Variants in MPDZ observed in about 807,000 individuals in gnomAD.
MPDZ encodes multiple PDZ domain protein.
MPDZ carries 234 observed loss-of-function variants against 239.1 expected under a neutral mutation model. The observed-to-expected ratio is 0.98, with a 90% CI of 0.88 to 1.09. The LOEUF is 1.09. Ranked by LOEUF, MPDZ falls within the 50% of genes least tolerant of loss-of-function variation. The probability of loss-of-function intolerance (pLI) is 0.00; values close to 1 mark genes in which losing one functional copy is unlikely to be tolerated. For synonymous variants in MPDZ, 1,048 were observed against 881.3 expected (o/e 1.19, Z -3.35); for missense variants, 3,175 against 2,510.0 (o/e 1.26, Z -5.66).
intron 24 of MPDZ, among the ~76,000 whole-genome samples, chr9:13,156,456 T>C (rs1203218425): frequency 6.6e-6 from 1 of 152,162 alleles, no homozygotes; most frequent in Non-Finnish European, 1.5e-5. Context: ...GAGGAGCAAG[T>C]CACATCTTAT....
chr9:13,224,633 T>G, intron 3 of MPDZ, 50 bp from the exon 4 acceptor site: 1 of 1,263,054 alleles, frequency 7.9e-7, no homozygotes, highest in Non-Finnish European at 1.1e-6. Flanking sequence ...CATAAACTAT[T>G]TCATAGAAAA....
At chr9:13,142,319 G>A (rs1947826856) in intron 27 of MPDZ, among the ~76,000 whole-genome samples, 1 of 151,908 alleles carries the variant, frequency 6.6e-6, no homozygotes, top group South Asian at 2.1e-4. Context: ...AAATCAAAAT[G>A]GTGCCCTAAC....
intron 6 of MPDZ, among the ~76,000 whole-genome samples, 160 bp from the exon 7 acceptor site, chr9:13,221,660 T>C (rs888026929): frequency 6.6e-6 from 1 of 151,276 alleles, no homozygotes; most frequent in Non-Finnish European, 1.5e-5. Context: ...TATACTTCCC[T>C]TTCAACAGAA....
At position 13,158,077 on chromosome 9, in the gene MPDZ, T is replaced by G; in HGVS notation, c.3393A>C (p.Gly1131=). Residue 1131 remains glycine (G), a synonymous_variant, in exon 24 of 47, where the codon GGA becomes GGC. Coordinates refer to ENST00000319217, the MANE Select transcript of MPDZ (RefSeq NM_001378778.1). ...TTTGAAGTTCGCTTTCTTCACCCTCTCCCTCTTCTCGCTCTGGTAATTCTG... is the reference window on the plus strand; with the variant it reads ...TTTGAAGTTCGCTTTCTTCACCCTCGCCCTCTTCTCGCTCTGGTAATTCTG... ...DIPELPEREE[G]EGEESELQNT... The G allele has an allele frequency of 6.2e-7, 1 of 1,612,742 alleles. No individual in the cohort carries two copies. Among genetic ancestry groups the G allele is most frequent in the South Asian group, 1.1e-5 (1 of 91,036 alleles).
intron 23 of MPDZ, among the ~76,000 whole-genome samples, chr9:13,159,239 G>A (rs1950183863): frequency 6.6e-6 from 1 of 152,058 alleles, no homozygotes; most frequent in South Asian, 2.1e-4. Flanking sequence ...TTCTTTCTTG[G>A]ACCTGAATGT....
At chr9:13,277,331 T>C (rs1298563877) in intron 1 of MPDZ, among the ~76,000 whole-genome samples, 1 of 151,964 alleles carries the variant, frequency 6.6e-6, no homozygotes, top group Admixed American at 6.6e-5. Flanking sequence ...AAAAGGAACA[T>C]ATGTAAGAAA....
chr9:13,142,105 T>C (rs1455234121), intron 27 of MPDZ, among the ~76,000 whole-genome samples: 2 of 152,212 alleles, frequency 1.3e-5, no homozygotes, highest in Non-Finnish European at 2.9e-5. Context: ...CAAGCATTGA[T>C]TAAGTCCATT....
rs1349437925 is a variant in MPDZ at position 13,279,397 on chromosome 9, T to G, written c.-58+3A>C. ...TCTGGGCCGGGGCTCAAGCGCCGCT[T>G]ACCCGGCTCGCGGCGCCCGCCCAGG... On this transcript the variant is annotated splice_donor_region_variant and intron_variant, in intron 1 of 46. Coordinates refer to ENST00000319217, the MANE Select transcript of MPDZ (RefSeq NM_001378778.1). 6.9e-6 allele frequency: 1 copy of G among 144,434 alleles called. No individual in the cohort carries two copies. The highest frequency in any genetic ancestry group is 2.5e-5 in the African/African-American group (1 of 40,076). 8.9% of individuals were successfully genotyped at this position (144,434 alleles called of 1,614,324 possible).
At chr9:13,164,399 A>AATAAAG in intron 22 of MPDZ, among the ~76,000 whole-genome samples, 1 of 152,190 alleles carries the variant, frequency 6.6e-6, no homozygotes, top group African/African-American at 2.4e-5. Flanking sequence ...GAAAAAATAA[A>AATAAAG]ATAAAGATAA....
intron 10 of MPDZ, among the ~76,000 whole-genome samples, chr9:13,209,580 A>G (rs1350967391): frequency 6.6e-6 from 1 of 152,202 alleles, no homozygotes; most frequent in East Asian, 1.9e-4. Flanking sequence ...TGGAATGTGA[A>G]ATATCACGGT....
chr9:13,133,880 C>T lies in MPDZ; in HGVS notation c.4408G>A (p.Asp1470Asn). ...KETEPTVTTS[D>N]AAVDLSSFKN... ...AATGAACTGAGGTCCACAGCTGCAT[C>T]AGAAGTAGTAACAGTTGGCTCTGTC... The change falls in exon 32 of 47, where the codon GAT (aspartate) becomes AAT (asparagine). Residue 1470 changes from aspartate (D) to asparagine (N), a missense_variant. Transcript: ENST00000319217. 6.3e-7 allele frequency: 1 copy of T among 1,593,888 alleles called. No homozygotes were observed. Among genetic ancestry groups the T allele is most frequent in the Non-Finnish European group, 8.6e-7 (1 of 1,168,546 alleles).
rs1486488017 is a variant in MPDZ, at chr9:13,125,255, C to A, written c.4768G>T (p.Val1590Phe). 12 of 1,611,316 alleles carry A rather than the reference C, an allele frequency of 7.4e-6. No individual in the cohort carries two copies. The African/African-American group carries it at 1.3e-4, about 18-fold the overall frequency. Reference sequence around the variant, plus strand: ...GGTTCTGGGGAGCCAGACTGTGGGACCATCAGAGACTGGGAGCTGTTCTTT... The same window carrying A: ...GGTTCTGGGGAGCCAGACTGTGGGAACATCAGAGACTGGGAGCTGTTCTTT... The part of the protein sequence containing the change: ...EKKNSSQSLM[V>F]PQSGSPEPES... The change falls in exon 35 of 47, where the codon GTC (valine) becomes TTC (phenylalanine). Residue 1590 changes from valine to phenylalanine, a missense_variant. By Grantham distance (50) the Val-to-Phe change is conservative. Coordinates refer to ENST00000319217, the MANE Select transcript of MPDZ (RefSeq NM_001378778.1).
chr9:13,137,867 A>T lies in MPDZ; in HGVS notation c.4200+90T>A, dbSNP rs1947061197. On this transcript the variant is annotated intron_variant, in intron 29 of 46. Transcript: ENST00000319217. ...TAAGCAAGCAATGGCTTTCTCAGTC[A>T]CTATAAGGTATGGGTGATTTTCTGG... The T allele has an allele frequency of 1.1e-5, 14 of 1,298,334 alleles. No individual in the cohort carries two copies. In the South Asian group the frequency reaches 1.4e-4, roughly 13 times the overall value. 80.4% of individuals were successfully genotyped at this position (1,298,334 alleles called of 1,614,324 possible).
chr9:13,182,508 T>C (rs1186518728), intron 19 of MPDZ, among the ~76,000 whole-genome samples: 3 of 152,062 alleles, frequency 2.0e-5, no homozygotes, highest in African/African-American at 4.8e-5. Flanking sequence ...CACATGTACA[T>C]AGATATTCAT....
rs765723567 is a variant in MPDZ at position 13,176,183 on chromosome 9, T to C, written c.2884A>G (p.Ile962Val). The C allele has an allele frequency of 7.5e-6, 12 of 1,603,672 alleles. No individual in the cohort carries two copies. The African/African-American group carries it at 8.0e-5, about 11-fold the overall frequency. Residue 962 changes from isoleucine (I) to valine (V), a missense_variant, in exon 20 of 47, where the codon ATA (isoleucine) becomes GTA (valine). Ile to Val is a conservative substitution (Grantham distance 29). Coordinates refer to ENST00000319217, the MANE Select transcript of MPDZ (RefSeq NM_001378778.1). Reference sequence around the variant, plus strand: ...ACAGAAGGAAGTTCTGCACTTGATATAACTTCACTTGGTAAATGAGATTCA... The same window carrying C: ...ACAGAAGGAAGTTCTGCACTTGATACAACTTCACTTGGTAAATGAGATTCA... Reference protein sequence around the residue: ...WTESHLPSEVISSAELPSVLP... With the variant: ...WTESHLPSEVVSSAELPSVLP...
At chr9:13,230,454 A>T (rs901802083) in intron 3 of MPDZ, among the ~76,000 whole-genome samples, 1 of 152,158 alleles carries the variant, frequency 6.6e-6, no homozygotes, top group Non-Finnish European at 1.5e-5. Context: ...AAAAGAAGAA[A>T]AATATTAATA....
Position 13,224,373 on chromosome 9 carries a change from C to T in MPDZ, c.393+1G>A. On this transcript the variant is annotated splice_donor_variant, in intron 4 of 46. Transcript: ENST00000319217. LOFTEE classifies it high-confidence loss of function. ...TAACTAACAGAAAGAAATGTTCTTA[C>T]CTGGGCCATATTTTTGATAAGCTGA... 1 of 1,609,616 alleles carries T rather than the reference C, an allele frequency of 6.2e-7. No homozygotes were observed. Among genetic ancestry groups the T allele is most frequent in the Non-Finnish European group, 8.5e-7 (1 of 1,177,102 alleles).
intron 2 of MPDZ, among the ~76,000 whole-genome samples, chr9:13,249,619 A>T (rs1967368215): frequency 6.6e-6 from 1 of 152,174 alleles, no homozygotes; most frequent in African/African-American, 2.4e-5. Flanking sequence ...AGTGAAATCC[A>T]AACACTTTCC....
chr9:13,178,940 A>G (rs1952892947), intron 19 of MPDZ, among the ~76,000 whole-genome samples: 1 of 152,142 alleles, frequency 6.6e-6, no homozygotes, highest in African/African-American at 2.4e-5. Flanking sequence ...CTCTTTTATA[A>G]ATGCTTTCTT....
Sources: allele counts gnomAD v4.1 joint callset (sites outside exome capture counted in the v4.1 genomes callset), GRCh38; gene constraint gnomAD v4.1.1; transcripts MANE v1.5; gene names NCBI Gene and HGNC (gene_info 2026-07-23, HGNC 2026-07-21).